Variants in PRDM1 observed in about 807,000 individuals in gnomAD.
The protein encoded by PRDM1 is PR/SET domain 1.
In PRDM1, 13 loss-of-function variants were observed where a neutral mutation model predicts 62.8. The ratio of observed to expected loss-of-function variants is 0.21; its 90% CI spans 0.13 to 0.33. The LOEUF (loss-of-function observed/expected upper bound fraction) is 0.33. Among genes scored for constraint, PRDM1 ranks in the 10% least tolerant of loss-of-function variants. The pLI is 1.00. For missense variants in PRDM1, 895 were observed against 1,058.8 expected, an observed-to-expected ratio of 0.85 and a Z score of 2.15; for synonymous variants, 396 against 417.6, an observed-to-expected ratio of 0.95 and a Z score of 0.63.
chr6:106,084,393 A>G (rs144834869), upstream of PRDM1, among the ~76,000 whole-genome samples: 8 of 152,324 alleles, frequency 5.3e-5, no homozygotes, highest in African/African-American at 1.9e-4. Context: ...GCAGGCTGAT[A>G]TTAATTAACA....
At position 106,088,171 on chromosome 6, in the gene PRDM1, G is replaced by A. The variant is rs779259118; in HGVS notation, c.43-30G>A. 3.6e-4 allele frequency: 555 copies of A among 1,558,770 alleles called. 1 individual carries two copies. The highest frequency in any genetic ancestry group is 1.2e-3 in the Admixed American group (60 of 51,540). On this transcript the variant is annotated intron_variant, in intron 1 of 6. Coordinates refer to ENST00000369096, the MANE Select transcript of PRDM1 (RefSeq NM_001198.4). Reference sequence around the variant, plus strand: ...GAGCCACAGGAACGGCGGGACAATGGGGATTAAAGGCCTTTCCTTTCTCTT... The same window carrying A: ...GAGCCACAGGAACGGCGGGACAATGAGGATTAAAGGCCTTTCCTTTCTCTT...
intron 1 of PRDM1, among the ~76,000 whole-genome samples, chr6:106,017,713 T>C (rs1003914089): frequency 5.3e-5 from 8 of 152,150 alleles, no homozygotes; most frequent in Non-Finnish European, 8.8e-5. Flanking sequence ...GCTGCCCAGT[T>C]TTTTTCTTTT....
At position 106,106,015 on chromosome 6, in the gene PRDM1, A is replaced by C; in HGVS notation, c.1773+82A>C. The C allele has an allele frequency of 6.6e-7, 1 of 1,524,112 alleles. No homozygotes were observed. The highest frequency in any genetic ancestry group is 1.4e-5 in the African/African-American group (1 of 72,122). The allele number at this position is 1,524,112 out of a possible 1,614,324, so 94.4% of individuals were successfully genotyped here. On this transcript the variant is annotated intron_variant, in intron 5 of 6. Transcript: ENST00000369096. The surrounding 1 kb of genome is among the most constrained non-coding windows in gnomAD (Gnocchi z 4.4). ...TTAGCTTGCTTTCCATGGGGTATCG[A>C]TTGCATTTGCAGTAGTATGAGCCCC...
intron 1 of PRDM1, among the ~76,000 whole-genome samples, chr6:106,019,180 C>A (rs1425649053): frequency 7.5e-6 from 1 of 132,742 alleles, no homozygotes; most frequent in Non-Finnish European, 1.5e-5. Context: ...GCACAAGAAT[C>A]GCTTCAACCT....
chr6:106,095,910 G>A, intron 3 of PRDM1, 176 bp downstream of exon 3: 2 of 677,916 alleles, frequency 3.0e-6, no homozygotes, highest in African/African-American at 1.8e-5. Flanking sequence ...CCGATGAAAT[G>A]TCTGGCCTGT....
chr6:106,034,818 G>A (rs1489803950), intron 1 of PRDM1, among the ~76,000 whole-genome samples: 1 of 151,830 alleles, frequency 6.6e-6, no homozygotes, highest in Non-Finnish European at 1.5e-5. Context: ...TTTTAGTAGA[G>A]ACGGGGTTTC....
At chr6:106,031,817 A>G (rs1442082075) in intron 1 of PRDM1, among the ~76,000 whole-genome samples, 2 of 152,238 alleles carry the variant, frequency 1.3e-5, no homozygotes, top group African/African-American at 2.4e-5. Context: ...AGAGAAGTAG[A>G]TCAGCTATCT....
At chr6:106,080,226 T>C (rs1248161968) in intron 1 of PRDM1, among the ~76,000 whole-genome samples, 1 of 152,208 alleles carries the variant, frequency 6.6e-6, no homozygotes, top group Non-Finnish European at 1.5e-5. Flanking sequence ...CACATGCAGA[T>C]TTGGCAGCTA....
At chr6:106,058,394 C>T (rs534609526) in intron 1 of PRDM1, among the ~76,000 whole-genome samples, 43 of 152,264 alleles carry the variant, frequency 2.8e-4, no homozygotes, top group African/African-American at 8.2e-4. Context: ...GAGCTCCACC[C>T]TCATTGCCAC....
intron 1 of PRDM1, among the ~76,000 whole-genome samples, chr6:106,024,141 CA>C (rs146834924): frequency 6.0e-5 from 9 of 149,618 alleles, no homozygotes; most frequent in East Asian, 5.9e-4. Context: ...GACCGTGTCT[CA>C]AAAAAAAAAT....
intron 1 of PRDM1, among the ~76,000 whole-genome samples, chr6:106,020,750 C>T (rs1034811948): frequency 6.6e-6 from 1 of 152,184 alleles, no homozygotes; most frequent in South Asian, 2.1e-4. Flanking sequence ...TCTAAAGTAA[C>T]GTGTTTGGCA....
At chr6:106,045,945 A>G (rs1773067396), upstream of PRDM1, 1 of 152,204 alleles carries the variant, frequency 6.6e-6, no homozygotes, top group Non-Finnish European at 1.5e-5. Flanking sequence ...CCGTATCCTC[A>G]TGGGTGATAT....
chr6:106,074,889 G>A (rs1195113451), intron 1 of PRDM1, among the ~76,000 whole-genome samples: 2 of 152,176 alleles, frequency 1.3e-5, no homozygotes, highest in Admixed American at 6.5e-5. Context: ...CATGAGAATC[G>A]CTTGAACCTG....
At chr6:106,043,941 C>T (rs1038222712), upstream of PRDM1, among the ~76,000 whole-genome samples, 1 of 152,168 alleles carries the variant, frequency 6.6e-6, no homozygotes, top group Non-Finnish European at 1.5e-5. Flanking sequence ...TCTTATTCTA[C>T]ACAGGAGTGA....
chr6:106,102,122 T>C (rs1424738572), intron 4 of PRDM1, among the ~76,000 whole-genome samples: 2 of 152,232 alleles, frequency 1.3e-5, no homozygotes, highest in Non-Finnish European at 2.9e-5. Flanking sequence ...TCTTATAGTC[T>C]TGGGGTTCTT....
At position 106,050,729 on chromosome 6, in the gene PRDM1, T is replaced by G. The variant is rs536334381; in HGVS notation, c.-67+2015T>G. Among the ~76,000 whole-genome samples, 37 of 152,322 alleles carry G rather than the reference T, an allele frequency of 2.4e-4. 2 individuals are homozygous for G. In the South Asian group the frequency reaches 7.7e-3, roughly 32 times the overall value. On this transcript the variant is annotated intron_variant, in intron 1 of 6. Transcript: ENST00000651185. The stretch of plus-strand genomic sequence containing the variant: ...CAGTTACACCTTCAAACACGTATTT[T>G]GTAACAGTCAGTACTTAGGTGGATT...
chr6:106,098,741 T>C (rs775370240), intron 3 of PRDM1: 8 of 1,429,978 alleles, frequency 5.6e-6, no homozygotes, highest in Non-Finnish European at 7.5e-6. Flanking sequence ...CAAGTATTCA[T>C]ATGAACAAGT....
At chr6:105,995,279 G>A (rs539199456) in intron 1 of PRDM1, among the ~76,000 whole-genome samples, 13 of 152,292 alleles carry the variant, frequency 8.5e-5, no homozygotes, top group African/African-American at 2.6e-4. Flanking sequence ...GGGCATGTTC[G>A]TGCAGCCCTC....
intron 1 of PRDM1, among the ~76,000 whole-genome samples, chr6:106,042,244 G>T (rs1367056855): frequency 5.3e-5 from 8 of 151,442 alleles, no homozygotes; most frequent in Non-Finnish European, 4.4e-5. Flanking sequence ...TGTGGGGCCG[G>T]GCATGGTGGC....
Sources: allele counts gnomAD v4.1 joint callset (sites outside exome capture counted in the v4.1 genomes callset), GRCh38; gene constraint gnomAD v4.1.1; non-coding constraint Gnocchi (gnomAD v3.1); transcripts MANE v1.5; gene names NCBI Gene and HGNC (gene_info 2026-07-23, HGNC 2026-07-21).